The following CNTNAP5 variants were observed in gnomAD, a reference collection of about 807,000 sequenced individuals.
CNTNAP5 encodes the protein contactin-associated protein-like 5.
CNTNAP5 carries 72 observed loss-of-function variants against 150.2 expected under a neutral mutation model. The ratio of observed to expected loss-of-function variants is 0.48; its 90% CI spans 0.40 to 0.58. CNTNAP5 has a LOEUF of 0.58. Among genes scored for constraint, CNTNAP5 ranks in the 20% least tolerant of loss-of-function variants. The pLI, the probability that CNTNAP5 is intolerant of heterozygous loss-of-function variation, is 0.00. For synonymous variants in CNTNAP5, 672 were observed against 619.8 expected, an observed-to-expected ratio of 1.08 and a Z score of -1.25; for missense variants, 1,636 against 1,626.2, an observed-to-expected ratio of 1.01 and a Z score of -0.10.
chr2:124,129,520 T>TAA (rs11451862), intron 1 of CNTNAP5, among the ~76,000 whole-genome samples: 2 of 151,616 alleles, frequency 1.3e-5, no homozygotes, highest in African/African-American at 2.4e-5. Context: ...GGGAATAATT[T>TAA]AAAAAAAAAC....
intron 12 of CNTNAP5, among the ~76,000 whole-genome samples, chr2:124,610,880 C>T (rs1677368313): frequency 6.6e-6 from 1 of 151,374 alleles, no homozygotes; most frequent in African/African-American, 2.4e-5. Context: ...TCGCTTGAAC[C>T]CGGGAGACGG....
intron 1 of CNTNAP5, among the ~76,000 whole-genome samples, chr2:124,197,329 G>T (rs1009790539): frequency 2.0e-5 from 3 of 152,020 alleles, no homozygotes; most frequent in Non-Finnish European, 4.4e-5. Flanking sequence ...ATTTAGTTTT[G>T]TGTGATTTTA....
At chr2:124,828,248 G>A (rs138928395) in intron 19 of CNTNAP5, among the ~76,000 whole-genome samples, 11 of 152,280 alleles carry the variant, frequency 7.2e-5, no homozygotes, top group Admixed American at 2.0e-4. Flanking sequence ...TTGCGAGGCC[G>A]AGACGGGCGG....
intron 11 of CNTNAP5, among the ~76,000 whole-genome samples, chr2:124,598,779 T>A (rs1188896469): frequency 6.6e-6 from 1 of 152,186 alleles, no homozygotes; most frequent in Non-Finnish European, 1.5e-5. Context: ...CAGACTGCTG[T>A]CCTAGCAATC....
intron 13 of CNTNAP5, among the ~76,000 whole-genome samples, chr2:124,669,401 A>G (rs777591581): frequency 9.9e-5 from 15 of 152,214 alleles, no homozygotes; most frequent in Non-Finnish European, 2.2e-4. Flanking sequence ...CTAGAATGTG[A>G]TACCCTCCAG....
chr2:124,819,587 T>C (rs768904701), intron 19 of CNTNAP5, among the ~76,000 whole-genome samples: 14 of 152,182 alleles, frequency 9.2e-5, no homozygotes, highest in Non-Finnish European at 1.9e-4. Flanking sequence ...CTTCAAATAA[T>C]AGTTGGTCAG....
chr2:124,877,093 A>G (rs1010667654), intron 21 of CNTNAP5, among the ~76,000 whole-genome samples: 3 of 152,040 alleles, frequency 2.0e-5, no homozygotes, highest in African/African-American at 4.8e-5. Context: ...TCAGTAGATG[A>G]TTTAGTTTCT....
chr2:124,270,082 G>C (rs868692799), intron 3 of CNTNAP5, among the ~76,000 whole-genome samples: 1 of 152,110 alleles, frequency 6.6e-6, no homozygotes, highest in Admixed American at 6.5e-5. Flanking sequence ...TTGGGAGGCC[G>C]AGGCGGGTGG....
intron 8 of CNTNAP5, among the ~76,000 whole-genome samples, chr2:124,507,954 C>T (rs12621169): frequency 2.6e-5 from 4 of 152,042 alleles, no homozygotes; most frequent in Admixed American, 2.0e-4. Flanking sequence ...CTCGTCACTT[C>T]TGTCATATTC....
intron 19 of CNTNAP5, among the ~76,000 whole-genome samples, chr2:124,826,892 A>T (rs1397296325): frequency 6.6e-6 from 1 of 152,108 alleles, no homozygotes; most frequent in Non-Finnish European, 1.5e-5. Context: ...GGTTGTCAAT[A>T]AGTAAGTATC....
intron 2 of CNTNAP5, among the ~76,000 whole-genome samples, chr2:124,228,208 G>A (rs1686515999): frequency 6.6e-6 from 1 of 152,064 alleles, no homozygotes; most frequent in Non-Finnish European, 1.5e-5. Flanking sequence ...TGATGTCCAG[G>A]AAGAAAAGAA....
intron 1 of CNTNAP5, among the ~76,000 whole-genome samples, chr2:124,127,642 C>A (rs1359703341): frequency 6.6e-6 from 1 of 152,120 alleles, no homozygotes; most frequent in South Asian, 2.1e-4. Context: ...AGGCATCACG[C>A]TACCTGACTT....
intron 3 of CNTNAP5, among the ~76,000 whole-genome samples, chr2:124,336,809 A>G (rs13426944): frequency 0.29 from 43,437 of 151,802 alleles, 6,467 homozygotes; most frequent in African/African-American, 0.36. Context: ...AGTCTTTGCT[A>G]TTGTGAATAG....
intron 1 of CNTNAP5, among the ~76,000 whole-genome samples, chr2:124,186,713 T>C (rs1685341636): frequency 1.3e-5 from 2 of 152,184 alleles, no homozygotes; most frequent in African/African-American, 4.8e-5. Flanking sequence ...GCCTCTTACA[T>C]ATTTGCTATA....
chr2:124,257,755 C>T lies in CNTNAP5; in HGVS notation c.381+15362C>T, dbSNP rs561341341. On this transcript the variant is annotated intron_variant, in intron 3 of 23. Coordinates refer to ENST00000682447, the MANE Select transcript of CNTNAP5 (RefSeq NM_001367498.1). ...CCCCCACCCAACATGTTGCTCCATGCGAGTTAGTCTTGTCCATGAAACTGG... is the reference window on the plus strand; with the variant it reads ...CCCCCACCCAACATGTTGCTCCATGTGAGTTAGTCTTGTCCATGAAACTGG... Among the ~76,000 whole-genome samples, 56 of 151,686 alleles carry T rather than the reference C, an allele frequency of 3.7e-4. No homozygotes were observed. In the South Asian group the frequency reaches 0.01, roughly 28 times the overall value.
chr2:124,684,024 A>G (rs1679129152), intron 13 of CNTNAP5, among the ~76,000 whole-genome samples: 1 of 152,200 alleles, frequency 6.6e-6, no homozygotes, highest in Non-Finnish European at 1.5e-5. Flanking sequence ...TTTCCAAAGG[A>G]TAAGGTTTAT....
intron 1 of CNTNAP5, among the ~76,000 whole-genome samples, chr2:124,064,772 T>C (rs1213945): frequency 0.26 from 38,879 of 152,118 alleles, 5,170 homozygotes; most frequent in South Asian, 0.32. Flanking sequence ...CCTTCAAATC[T>C]TGCTAATGCA....
In CNTNAP5 at chr2:124,773,032, A is replaced by C. The variant is rs1681240037; in HGVS notation, c.2752+15A>C. ...GTTGTTTGTAGGTAGGGGACATCTT[A>C]AGGCTCCTTTTGTGCTAAACCCTGC... On this transcript the variant is annotated intron_variant, in intron 17 of 23. Transcript: ENST00000682447. 1.2e-6 allele frequency: 2 copies of C among 1,607,344 alleles called. No individual in the cohort carries two copies. The highest frequency in any genetic ancestry group is 2.7e-5 in the African/African-American group (2 of 74,734).
intron 1 of CNTNAP5, among the ~76,000 whole-genome samples, chr2:124,065,985 A>G (rs145251869): frequency 1.3e-5 from 2 of 152,340 alleles, no homozygotes; most frequent in East Asian, 3.9e-4. Context: ...GAAGCTATTA[A>G]CAGTGAGTGG....
Sources: allele counts gnomAD v4.1 joint callset (sites outside exome capture counted in the v4.1 genomes callset), GRCh38; gene constraint gnomAD v4.1.1; transcripts MANE v1.5; gene names NCBI Gene and HGNC (gene_info 2026-07-23, HGNC 2026-07-21).